UGGT1: variants seen among roughly 807,000 people sequenced by gnomAD.
UGGT1 encodes UDP-glucose:glycoprotein glucosyltransferase 1.
Under a neutral mutation model 203.9 loss-of-function variants are expected in UGGT1, and 107 were observed. That is an observed-to-expected ratio of 0.52 (90% CI 0.45 to 0.62). The LOEUF (loss-of-function observed/expected upper bound fraction) is 0.62, where lower values mean the gene tolerates loss of function less well. Among genes scored for constraint, UGGT1 ranks in the 20% least tolerant of loss-of-function variants. The pLI, the probability that UGGT1 is intolerant of heterozygous loss-of-function variation, is 0.00. For missense variants in UGGT1, 1,673 were observed against 1,867.2 expected (o/e 0.90, Z 1.92); for synonymous variants, 628 against 653.5 (o/e 0.96, Z 0.59).
At chr2:128,137,824 T>C (rs1402302137) in intron 15 of UGGT1, among the ~76,000 whole-genome samples, 3 of 152,256 alleles carry the variant, frequency 2.0e-5, no homozygotes, top group Non-Finnish European at 2.9e-5. Flanking sequence ...TGAAATGCCT[T>C]TGCCCCAGTA....
intron 1 of UGGT1, among the ~76,000 whole-genome samples, chr2:128,094,239 T>G (rs1027953663): frequency 6.6e-6 from 1 of 152,086 alleles, no homozygotes; most frequent in Admixed American, 6.6e-5. Context: ...ATAAACTCAT[T>G]GACTCAGGCC....
chr2:128,183,907 A>C, intron 38 of UGGT1, 118 bp downstream of exon 38: 4 of 462,362 alleles, frequency 8.7e-6, no homozygotes, highest in Non-Finnish European at 1.6e-5. Context: ...TTGTTTTTTC[A>C]TGGTGTGTGT....
intron 26 of UGGT1, among the ~76,000 whole-genome samples, chr2:128,167,232 TC>T (rs1168578161): frequency 1.3e-5 from 2 of 152,190 alleles, no homozygotes; most frequent in Non-Finnish European, 2.9e-5. Context: ...AAAGACCTCT[TC>T]CCTTTTCAGA....
intron 2 of UGGT1, among the ~76,000 whole-genome samples, 156 bp from the exon 3 acceptor site, chr2:128,103,776 T>A (rs1031798414): frequency 6.6e-6 from 1 of 151,150 alleles, no homozygotes; most frequent in Admixed American, 6.6e-5. Context: ...TCATTAAAAA[T>A]ATATATATTA....
chr2:128,119,428 T>C (rs1688272609), intron 8 of UGGT1, among the ~76,000 whole-genome samples: 2 of 151,900 alleles, frequency 1.3e-5, no homozygotes, highest in African/African-American at 4.8e-5. Flanking sequence ...AGTGAAACTC[T>C]GTCTCAAAGA....
chr2:128,146,977 GGCCCCACTGT>G (rs1259001095), intron 18 of UGGT1, among the ~76,000 whole-genome samples: 1 of 152,056 alleles, frequency 6.6e-6, no homozygotes, highest in East Asian at 1.9e-4. Flanking sequence ...CAGACTCTCG[GGCCCCACTGT>G]GCATCAACCC....
rs182010057 is a variant in UGGT1, at chr2:128,122,070, A to G, written c.1073+772A>G. On this transcript the variant is annotated intron_variant, in intron 10 of 40. Transcript: ENST00000259253. Reference sequence around the variant, plus strand: ...GACTAGTTCATAGTGACAGAATAAGATTTTGTTTGGACCGGGCTTGGTGGC... The same window carrying G: ...GACTAGTTCATAGTGACAGAATAAGGTTTTGTTTGGACCGGGCTTGGTGGC... 1.4e-3 allele frequency among the ~76,000 whole-genome samples: 211 copies of G among 152,208 alleles called. 3 individuals carry two copies. Among genetic ancestry groups the G allele is most frequent in the Admixed American group, 0.012 (179 of 15,298 alleles).
At position 128,172,772 on chromosome 2, in the gene UGGT1, T is replaced by C. The variant is rs1264391752; in HGVS notation, c.3294+10T>C. The C allele has an allele frequency of 8.7e-6, 14 of 1,607,980 alleles. No individual in the cohort carries two copies. Among genetic ancestry groups the C allele is most frequent in the Non-Finnish European group, 1.2e-5 (14 of 1,175,658 alleles). ...TATTTATTTAGAAGAGGTAAGACCA[T>C]ATCTATTGCTTCCAAATACCTAATC... On this transcript the variant is annotated intron_variant, in intron 29 of 40. Coordinates refer to ENST00000259253, the MANE Select transcript of UGGT1 (RefSeq NM_020120.4).
intron 5 of UGGT1, among the ~76,000 whole-genome samples, chr2:128,112,435 C>A (rs1277859520): frequency 0.011 from 406 of 38,528 alleles, 5 homozygotes; most frequent in East Asian, 0.057. Context: ...AAAAAAAAAA[C>A]CCCCCAAAAA....
In UGGT1 at chr2:128,177,872, G is replaced by A. The variant is rs775815440; in HGVS notation, c.3665G>A (p.Ser1222Asn). ...GATATGGTGAACGAAGACTTGCTGA[G>A]TGATGGAACGAGTGAGAATGAATCT... The part of the protein sequence containing the change: ...KADMVNEDLL[S>N]DGTSENESGF... Residue 1222 changes from serine (S) to asparagine (N), a missense_variant, in exon 33 of 41, where the codon AGT (serine) becomes AAT (asparagine). By Grantham distance (46) the Ser-to-Asn change is conservative. Coordinates refer to ENST00000259253, the MANE Select transcript of UGGT1 (RefSeq NM_020120.4). 4 of 1,606,110 alleles carry A rather than the reference G, an allele frequency of 2.5e-6. No individual in the cohort carries two copies. The highest frequency in any genetic ancestry group is 1.1e-5 in the South Asian group (1 of 89,444).
rs545017038 is a variant in UGGT1, at chr2:128,120,518, A to G, written c.973+62A>G. 4 of 1,365,616 alleles carry G rather than the reference A, an allele frequency of 2.9e-6. No homozygotes were observed. In the African/African-American group the frequency reaches 5.8e-5, roughly 20 times the overall value. 84.6% of individuals were successfully genotyped at this position (1,365,616 alleles called of 1,614,324 possible). A position where few individuals can be genotyped will look rare whatever the true frequency, so the allele number is the denominator to read the frequency against. ...TGGCTAAGTTTTATGGCTTTAAAAA[A>G]TGCAAAATTTGAATTTAATTGTATG... On this transcript the variant is annotated intron_variant, in intron 9 of 40. Transcript: ENST00000259253.
Position 128,169,048 on chromosome 2 carries a change from TAAAAAAAAAAAAA to T in UGGT1, c.2922-1209_2922-1197del, listed in dbSNP as rs544381740. 1.5e-3 allele frequency among the ~76,000 whole-genome samples: 78 copies of T among 52,554 alleles called. 2 individuals are homozygous for T. The highest frequency in any genetic ancestry group is 3.5e-3 in the African/African-American group (34 of 9,708). The allele number at this position is 52,554 out of a possible 152,430, so 34.5% of individuals were successfully genotyped here. A position where few individuals can be genotyped will look rare whatever the true frequency, so the allele number is the denominator to read the frequency against. ...GGGTGAATGAGCGAGACTCTGTCTT[TAAAAAAAAAAAAA>T]AAAAAAAAAAAAAAAAAAAAAAAAA... On this transcript the variant is annotated intron_variant, in intron 26 of 40. Transcript: ENST00000259253.
At chr2:128,129,264 G>C in intron 13 of UGGT1, 85 bp downstream of exon 13, 3 of 1,432,430 alleles carry the variant, frequency 2.1e-6, no homozygotes, top group African/African-American at 1.5e-5. Context: ...TGAGGGTGAA[G>C]TTACTCCCAC....
intron 12 of UGGT1, 56 bp downstream of exon 12, chr2:128,127,508 A>G (rs1573537529): frequency 7.8e-7 from 1 of 1,286,008 alleles, no homozygotes; most frequent in East Asian, 2.3e-5. Context: ...AGCACCTTGT[A>G]ACATGTTCAT....
At chr2:128,139,198 G>A (rs183680596) in intron 16 of UGGT1, among the ~76,000 whole-genome samples, 4 of 152,280 alleles carry the variant, frequency 2.6e-5, no homozygotes, top group African/African-American at 9.6e-5. Flanking sequence ...CTAAAGGTTT[G>A]CTTTTGTTTG....
chr2:128,188,617 C>T (rs970287423), intron 40 of UGGT1, among the ~76,000 whole-genome samples: 1 of 152,170 alleles, frequency 6.6e-6, no homozygotes, highest in Non-Finnish European at 1.5e-5. Context: ...TACATGGGCT[C>T]TGGATTTTTA....
At chr2:128,160,315 G>A (rs2104741634) in intron 23 of UGGT1, 145 bp from the exon 24 acceptor site, 1 of 798,180 alleles carries the variant, frequency 1.3e-6, no homozygotes, top group East Asian at 3.1e-5. Flanking sequence ...GGAGACTGGA[G>A]AATTGACACA....
At chr2:128,102,000 T>A (rs1463472153) in intron 2 of UGGT1, among the ~76,000 whole-genome samples, 4 of 152,220 alleles carry the variant, frequency 2.6e-5, no homozygotes, top group Admixed American at 2.6e-4. Flanking sequence ...GAGAGAATGG[T>A]ATAATGTACT....
At position 128,093,050 on chromosome 2, in the gene UGGT1, C is replaced by T. The variant is rs1334884602; in HGVS notation, c.58+1635C>T. 5.3e-5 allele frequency among the ~76,000 whole-genome samples: 8 copies of T among 152,182 alleles called. No individual in the cohort carries two copies. In the East Asian group the frequency reaches 5.8e-4, roughly 11 times the overall value. ...AGAGACCACTTCAGTGAGATTCTTACGTCTGCTTCTCTGGACAGTCTTTTC... is the reference window on the plus strand; with the variant it reads ...AGAGACCACTTCAGTGAGATTCTTATGTCTGCTTCTCTGGACAGTCTTTTC... On this transcript the variant is annotated intron_variant, in intron 1 of 40. Transcript: ENST00000259253.
Sources: gnomAD v4.1 joint callset for allele counts (sites outside exome capture counted in the v4.1 genomes callset) on GRCh38, gnomAD v4.1.1 for gene constraint, MANE v1.5 for transcripts, NCBI Gene and HGNC (gene_info 2026-07-23, HGNC 2026-07-21) for gene names.